CTNNA3: variants seen among roughly 807,000 people sequenced by gnomAD.
CTNNA3 encodes the protein catenin alpha-3.
A neutral mutation model predicts 95.7 loss-of-function variants in CTNNA3; 76 were observed. The observed-to-expected ratio is 0.79, with a 90% confidence interval of 0.66 to 0.96. The LOEUF is 0.96. Among genes scored for constraint, CTNNA3 ranks in the 40% least tolerant of loss-of-function variants. The probability of loss-of-function intolerance (pLI) is 0.00; values close to 1 mark genes in which losing one functional copy is unlikely to be tolerated. For missense variants in CTNNA3, 1,191 were observed against 1,089.8 expected (o/e 1.09, Z -1.31); for synonymous variants, 431 against 374.4 (o/e 1.15, Z -1.74).
chr10:67,192,667 T>TA (rs1290527551), intron 6 of CTNNA3, among the ~76,000 whole-genome samples: 1 of 151,876 alleles, frequency 6.6e-6, no homozygotes, highest in African/African-American at 2.4e-5. Flanking sequence ...TGTAAATTGA[T>TA]ACAGTCATAA....
chr10:66,080,360 C>A (rs138708622), intron 14 of CTNNA3, among the ~76,000 whole-genome samples: 1 of 152,040 alleles, frequency 6.6e-6, no homozygotes, highest in African/African-American at 2.4e-5. Context: ...CTATTCCCTT[C>A]TTACTCCATT....
At chr10:66,141,549 A>G (rs2083620147) in intron 13 of CTNNA3, among the ~76,000 whole-genome samples, 2 of 152,266 alleles carry the variant, frequency 1.3e-5, no homozygotes, top group South Asian at 2.1e-4. Context: ...CCAATTATGG[A>G]GAAAATCTCC....
chr10:66,912,615 T>C (rs1325369142), intron 7 of CTNNA3, among the ~76,000 whole-genome samples: 1 of 152,156 alleles, frequency 6.6e-6, no homozygotes, highest in East Asian at 1.9e-4. Flanking sequence ...AGTCATCCTA[T>C]TTCCACCAAA....
At chr10:67,123,410 G>C (rs1859563050) in intron 7 of CTNNA3, among the ~76,000 whole-genome samples, 1 of 152,114 alleles carries the variant, frequency 6.6e-6, no homozygotes, top group Admixed American at 6.6e-5. Context: ...AAAAATAGCA[G>C]AGTCAATTCA....
At chr10:67,043,680 T>C (rs1854549517) in intron 7 of CTNNA3, among the ~76,000 whole-genome samples, 1 of 152,146 alleles carries the variant, frequency 6.6e-6, no homozygotes, top group African/African-American at 2.4e-5. Context: ...TACCCTTTAA[T>C]CTCCCACTGC....
chr10:66,326,828 A>G (rs1453853548), intron 12 of CTNNA3, among the ~76,000 whole-genome samples: 2 of 151,982 alleles, frequency 1.3e-5, no homozygotes, highest in Non-Finnish European at 2.9e-5. Flanking sequence ...ATCCTTTCAT[A>G]TTTCATTCAT....
At chr10:66,469,584 A>C (rs1839053927) in intron 11 of CTNNA3, among the ~76,000 whole-genome samples, 1 of 151,890 alleles carries the variant, frequency 6.6e-6, no homozygotes, top group Non-Finnish European at 1.5e-5. Context: ...GGGGTGCATA[A>C]AGAGGTGAGA....
In CTNNA3 at chr10:66,613,413, G is replaced by A. The variant is rs1000631185; in HGVS notation, c.1374+8279C>T. On this transcript the variant is annotated intron_variant, in intron 10 of 17. Coordinates refer to ENST00000433211, the MANE Select transcript of CTNNA3 (RefSeq NM_013266.4). ...CATGGATGCTCCCAGTAGGTGGTCCGTAAGTATTTGTTGAATGAAGAGTTC... is the reference window on the plus strand; with the variant it reads ...CATGGATGCTCCCAGTAGGTGGTCCATAAGTATTTGTTGAATGAAGAGTTC... Among the ~76,000 whole-genome samples the A allele has an allele frequency of 5.3e-5, 8 of 151,996 alleles. No individual in the cohort carries two copies. In the South Asian group the frequency reaches 6.2e-4, roughly 12 times the overall value.
intron 5 of CTNNA3, among the ~76,000 whole-genome samples, chr10:67,470,215 C>T (rs889439703): frequency 1.3e-5 from 2 of 152,152 alleles, no homozygotes; most frequent in South Asian, 4.1e-4. Context: ...TCTTTCTGTG[C>T]CTGGTTTATT....
At chr10:67,354,774 T>C (rs539788878) in intron 5 of CTNNA3, among the ~76,000 whole-genome samples, 2 of 152,168 alleles carry the variant, frequency 1.3e-5, no homozygotes, top group East Asian at 3.9e-4. Flanking sequence ...AAAACTGTAT[T>C]TGAATACTAA....
chr10:66,955,614 T>C (rs970377275), intron 7 of CTNNA3, among the ~76,000 whole-genome samples: 2 of 152,126 alleles, frequency 1.3e-5, no homozygotes, highest in East Asian at 1.9e-4. Context: ...GTTGGATGAA[T>C]GGATATATGG....
At chr10:67,169,607 T>C (rs1390471669) in intron 7 of CTNNA3, among the ~76,000 whole-genome samples, 1 of 152,126 alleles carries the variant, frequency 6.6e-6, no homozygotes, top group African/African-American at 2.4e-5. Flanking sequence ...ACCCCTTCCT[T>C]ACACCATATA....
chr10:66,316,369 G>A (rs2092099547), intron 12 of CTNNA3, among the ~76,000 whole-genome samples: 1 of 152,000 alleles, frequency 6.6e-6, no homozygotes, highest in Non-Finnish European at 1.5e-5. Flanking sequence ...GAATTTGTGG[G>A]ATTATTGTCT....
chr10:65,929,189 T>C lies in CTNNA3; in HGVS notation c.2401-8572A>G, dbSNP rs181735604. 1.5e-4 allele frequency among the ~76,000 whole-genome samples: 23 copies of C among 152,304 alleles called. No individual in the cohort carries two copies. The East Asian group carries it at 4.4e-3, about 29-fold the overall frequency. On this transcript the variant is annotated intron_variant, in intron 17 of 17. Coordinates refer to ENST00000433211, the MANE Select transcript of CTNNA3 (RefSeq NM_013266.4). ...TGGTTTCTAGCTTCATCCATGTCCC[T>C]GCAAAGGACATGAACTCATCATTTT...
intron 7 of CTNNA3, among the ~76,000 whole-genome samples, chr10:66,779,899 T>C (rs1302119154): frequency 6.6e-6 from 1 of 152,086 alleles, no homozygotes; most frequent in Non-Finnish European, 1.5e-5. Flanking sequence ...ACAAATCTAG[T>C]GATAGACATA....
intron 1 of CTNNA3, among the ~76,000 whole-genome samples, chr10:67,679,974 G>T (rs934497209): frequency 6.6e-6 from 1 of 152,194 alleles, no homozygotes; most frequent in African/African-American, 2.4e-5. Context: ...GCATTAATAA[G>T]GGACTGGTTA....
At chr10:67,350,081 C>A (rs1421134407) in intron 5 of CTNNA3, among the ~76,000 whole-genome samples, 1 of 152,150 alleles carries the variant, frequency 6.6e-6, no homozygotes, top group African/African-American at 2.4e-5. Context: ...GCCCTGACCA[C>A]TTGTGCAAAA....
chr10:67,261,918 G>A (rs376751960), intron 5 of CTNNA3, among the ~76,000 whole-genome samples: 5 of 151,894 alleles, frequency 3.3e-5, no homozygotes, highest in African/African-American at 1.2e-4. Context: ...CAAATAAGTT[G>A]GATATGTTTT....
chr10:65,977,198 T>G (rs1404000590), intron 16 of CTNNA3, among the ~76,000 whole-genome samples: 1 of 152,180 alleles, frequency 6.6e-6, no homozygotes, highest in African/African-American at 2.4e-5. Flanking sequence ...ATGCATGATT[T>G]TTTTTTAAAT....
Sources: allele counts gnomAD v4.1 joint callset (sites outside exome capture counted in the v4.1 genomes callset), GRCh38; gene constraint gnomAD v4.1.1; transcripts MANE v1.5; gene names NCBI Gene and HGNC (gene_info 2026-07-23, HGNC 2026-07-21).